The following DSE variants were observed in gnomAD, a reference collection of about 807,000 sequenced individuals.
The protein encoded by DSE is dermatan-sulfate epimerase.
DSE carries 36 observed loss-of-function variants against 84.4 expected under a neutral mutation model. That is an observed-to-expected ratio of 0.43 (90% confidence interval 0.33 to 0.56). The LOEUF is 0.56. Among genes scored for constraint, DSE ranks in the 20% least tolerant of loss-of-function variants. DSE has a pLI of 0.06. For missense variants in DSE, 862 were observed against 1,169.6 expected (o/e 0.74, Z 3.84); for synonymous variants, 410 against 430.1 (o/e 0.95, Z 0.58).
At chr6:116,291,270 A>C (rs1342841353) in intron 2 of DSE, among the ~76,000 whole-genome samples, 1 of 152,168 alleles carries the variant, frequency 6.6e-6, no homozygotes, top group African/African-American at 2.4e-5. Context: ...AGAGATGTGG[A>C]CAAAGGGCTT....
chr6:116,263,385 GT>G (rs1488682093), intron 2 of DSE, among the ~76,000 whole-genome samples: 1 of 147,510 alleles, frequency 6.8e-6, no homozygotes, highest in African/African-American at 2.5e-5. Context: ...TTTTATCTTT[GT>G]TGGTTTAAAG....
At chr6:116,262,804 A>G (rs1229650566) in intron 2 of DSE, among the ~76,000 whole-genome samples, 3 of 152,164 alleles carry the variant, frequency 2.0e-5, no homozygotes, top group African/African-American at 7.2e-5. Flanking sequence ...AGATTCTGGT[A>G]TGTTGTCTCT....
intron 2 of DSE, among the ~76,000 whole-genome samples, chr6:116,414,544 C>T (rs756363919): frequency 1.5e-4 from 23 of 152,108 alleles, no homozygotes; most frequent in Non-Finnish European, 3.1e-4. Flanking sequence ...TCCCTAGTAG[C>T]TGGGATTACA....
At position 116,439,932 on chromosome 6, in the gene DSE, A is replaced by T. The variant is rs1583243469; in HGVS notation, c.*2587A>T. 1 of 145,268 alleles carries T rather than the reference A, an allele frequency of 6.9e-6. No homozygotes were observed. The allele number at this position is 145,268 out of a possible 1,614,324, so 9.0% of individuals were successfully genotyped here. ...ACTCCAGCCTTGGAGACAGAGTGAG[A>T]CCGTGTTTCTCTCTTTTTTTTTTTT... On this transcript the variant is annotated 3_prime_UTR_variant, in exon 6 of 6. Coordinates refer to ENST00000644252, the MANE Select transcript of DSE (RefSeq NM_013352.4).
chr6:116,255,524 A>C (rs556107734), intron 1 of DSE: 1 of 152,370 alleles, frequency 6.6e-6, no homozygotes, highest in African/African-American at 2.4e-5. Flanking sequence ...AGAAATATGC[A>C]AACAAGATTC....
intron 2 of DSE, among the ~76,000 whole-genome samples, chr6:116,324,705 C>G (rs1022712995): frequency 6.6e-6 from 1 of 152,126 alleles, no homozygotes; most frequent in Admixed American, 6.5e-5. Flanking sequence ...ATTGGTAGCT[C>G]GAGGAGCCTG....
At chr6:116,433,606 G>C in intron 5 of DSE, 56 bp downstream of exon 5, 1 of 1,509,882 alleles carries the variant, frequency 6.6e-7, no homozygotes, top group Non-Finnish European at 9.0e-7. Flanking sequence ...TACTATTCAT[G>C]CTATGCACTT....
At chr6:116,375,922 A>G (rs1368332386) in intron 1 of DSE, among the ~76,000 whole-genome samples, 3 of 152,196 alleles carry the variant, frequency 2.0e-5, no homozygotes, top group South Asian at 2.1e-4. Flanking sequence ...TACTAAAGGT[A>G]AAAGACTTGT....
At chr6:116,363,884 T>A (rs1263904500) in intron 2 of DSE, among the ~76,000 whole-genome samples, 1 of 152,166 alleles carries the variant, frequency 6.6e-6, no homozygotes, top group Admixed American at 6.5e-5. Context: ...ATTGCCAGAG[T>A]TAATATGAAA....
intron 1 of DSE, among the ~76,000 whole-genome samples, chr6:116,397,360 C>A (rs1402922789): frequency 6.7e-6 from 1 of 149,828 alleles, no homozygotes; most frequent in Non-Finnish European, 1.5e-5. Context: ...GCACCCCCCA[C>A]CACACCTGGC....
At chr6:116,425,656 T>C (rs1442102394) in intron 2 of DSE, among the ~76,000 whole-genome samples, 2 of 148,342 alleles carry the variant, frequency 1.3e-5, no homozygotes, top group African/African-American at 5.0e-5. Context: ...GGAGTCTCGC[T>C]GTGTCTCCCA....
At position 116,333,348 on chromosome 6, in the gene DSE, T is replaced by C. The variant is rs182119604; in HGVS notation, c.-53-65850T>C. Reference sequence around the variant, plus strand: ...GCATTCTTGTTGTATCATAACATGATGGAAGGCATCACATAGTGAGACAAT... The same window carrying C: ...GCATTCTTGTTGTATCATAACATGACGGAAGGCATCACATAGTGAGACAAT... On this transcript the variant is annotated intron_variant, in intron 2 of 3. Transcript: ENST00000430252. 4.9e-3 allele frequency among the ~76,000 whole-genome samples: 740 copies of C among 152,196 alleles called. 19 individuals carry two copies. In the South Asian group the frequency reaches 0.07, roughly 14 times the overall value.
intron 1 of DSE, chr6:116,256,009 C>A (rs964213138): frequency 6.6e-6 from 1 of 152,218 alleles, no homozygotes; most frequent in African/African-American, 2.4e-5. Flanking sequence ...CATTCTTTAA[C>A]ACTCAGTTCA....
chr6:116,279,956 GA>G (rs1311899830), intron 2 of DSE: 15 of 1,380,370 alleles, frequency 1.1e-5, no homozygotes, highest in Admixed American at 1.7e-5. Context: ...GTGTCGTCAG[GA>G]CTGGAGATCT....
At chr6:116,279,868 T>C in intron 2 of DSE, 2 of 1,612,900 alleles carry the variant, frequency 1.2e-6, no homozygotes, top group African/African-American at 1.3e-5. Flanking sequence ...CGAACGCCCG[T>C]TTTCCTCAGA....
At chr6:116,426,908 C>A (rs1278227432) in intron 3 of DSE, 81 bp downstream of exon 3, 9 of 1,514,718 alleles carry the variant, frequency 5.9e-6, no homozygotes, top group Non-Finnish European at 8.0e-6. Flanking sequence ...ATTTTTATAA[C>A]CATTCTTAGT....
At chr6:116,257,919 T>C (rs1295726148) in intron 1 of DSE, among the ~76,000 whole-genome samples, 1 of 152,228 alleles carries the variant, frequency 6.6e-6, no homozygotes, top group East Asian at 1.9e-4. Context: ...GTGACAATTG[T>C]TGAGGAAGTG....
intron 2 of DSE, among the ~76,000 whole-genome samples, chr6:116,346,454 G>C (rs1299353086): frequency 6.6e-6 from 1 of 152,178 alleles, no homozygotes; most frequent in African/African-American, 2.4e-5. Flanking sequence ...GGGATACAAG[G>C]CTGGTTCAAC....
At chr6:116,345,908 T>G (rs1185805926) in intron 2 of DSE, among the ~76,000 whole-genome samples, 1 of 151,952 alleles carries the variant, frequency 6.6e-6, no homozygotes, top group Non-Finnish European at 1.5e-5. Context: ...AAGAATCAAA[T>G]AGATGGAATA....
Sources: allele counts gnomAD v4.1 joint callset (sites outside exome capture counted in the v4.1 genomes callset), GRCh38; gene constraint gnomAD v4.1.1; transcripts MANE v1.5; gene names NCBI Gene and HGNC (gene_info 2026-07-23, HGNC 2026-07-21).